RHO: variants seen among roughly 807,000 people sequenced by gnomAD.
RHO encodes rhodopsin.
Under a neutral mutation model 31.2 loss-of-function variants are expected in RHO, and 21 were observed. The ratio of observed to expected loss-of-function variants is 0.67; its 90% CI spans 0.48 to 0.97. The LOEUF (loss-of-function observed/expected upper bound fraction) is 0.97, where lower values mean the gene tolerates loss of function less well. Ranked by LOEUF, RHO falls within the 50% of genes least tolerant of loss-of-function variation. The pLI is 0.00. For synonymous variants in RHO, 211 were observed against 196.6 expected (o/e 1.07, Z -0.61); for missense variants, 414 against 479.5 (o/e 0.86, Z 1.28).
intron 4 of RHO, among the ~76,000 whole-genome samples, chr3:129,533,295 A>G (rs2084798543): frequency 6.6e-6 from 1 of 152,134 alleles, no homozygotes; most frequent in Non-Finnish European, 1.5e-5. Flanking sequence ...TTCCTCATCC[A>G]TAGAAAGGTA....
chr3:129,528,767 C>G lies in RHO; in HGVS notation c.34C>G (p.Pro12Ala). The part of the protein sequence containing the change: ...NGTEGPNFYV[P>A]FSNATGVVRS... ...CACAGAAGGCCCTAACTTCTACGTG[C>G]CCTTCTCCAATGCGACGGGTGTGGT... Residue 12 changes from proline to alanine, a missense_variant, in exon 1 of 5, where the codon CCC becomes GCC. Physicochemically the swap from Pro to Ala is conservative, Grantham distance 27. Transcript: ENST00000296271. The G allele has an allele frequency of 6.2e-7, 1 of 1,614,218 alleles. No individual in the cohort carries two copies. Among genetic ancestry groups the G allele is most frequent in the Non-Finnish European group, 8.5e-7 (1 of 1,180,050 alleles).
intron 1 of RHO, 78 bp downstream of exon 1, chr3:129,529,172 G>A (rs1006944068): frequency 6.5e-6 from 10 of 1,531,010 alleles, no homozygotes; most frequent in Middle Eastern, 1.7e-4. Flanking sequence ...GCTTGGCGGT[G>A]GTGGCTGAGA....
rs2855558 is a variant in RHO at position 129,534,630 on chromosome 3, A to G, written c.*912A>G. 0.37 allele frequency: 56,900 copies of G among 152,558 alleles called. 17,151 individuals carry two copies. Among genetic ancestry groups the G allele is most frequent in the African/African-American group, 0.81 (33,625 of 41,502 alleles). The allele number at this position is 152,558 out of a possible 1,614,324, so 9.5% of individuals were successfully genotyped here. ...GGGGACGGTGAAGGCCAAGTTCCCA[A>G]TGAGGGTGAGATTGGGCCTGGGGTC... On this transcript the variant is annotated 3_prime_UTR_variant, in exon 5 of 5. Coordinates refer to ENST00000296271, the MANE Select transcript of RHO (RefSeq NM_000539.3).
chr3:129,530,106 G>A (rs1160956574), intron 1 of RHO, among the ~76,000 whole-genome samples: 1 of 152,186 alleles, frequency 6.6e-6, no homozygotes, highest in Admixed American at 6.5e-5. Flanking sequence ...GGTGTTTGTT[G>A]CATTCAATAA....
rs766027021 is a variant in RHO at position 129,532,223 on chromosome 3, C to G, written c.531-28C>G. ...TGGCTGTTCCCAAGTCCCTCACAGG[C>G]AGGGTCTCCCTACCTGCCTGTCCTC... On this transcript the variant is annotated intron_variant, in intron 2 of 4. Coordinates refer to ENST00000296271, the MANE Select transcript of RHO (RefSeq NM_000539.3). This position sits in a 1 kb window ranked among gnomAD's most constrained non-coding sequence, Gnocchi z 5.5. 1 of 1,609,630 alleles carries G rather than the reference C, an allele frequency of 6.2e-7. No individual in the cohort carries two copies. Among genetic ancestry groups the G allele is most frequent in the East Asian group, 2.2e-5 (1 of 44,848 alleles).
chr3:129,533,670 C>G lies in RHO; in HGVS notation c.999C>G (p.Ala333=). 1 of 1,614,102 alleles carries G rather than the reference C, an allele frequency of 6.2e-7. No homozygotes were observed. The highest frequency in any genetic ancestry group is 1.1e-5 in the South Asian group (1 of 91,074). The change falls in exon 5 of 5, where the codon GCC becomes GCG. Residue 333 remains alanine, a synonymous_variant. Transcript: ENST00000296271. ...CGKNPLGDDE[A]SATVSKTETS... The stretch of plus-strand genomic sequence containing the variant: ...AGAACCCACTGGGTGACGATGAGGC[C>G]TCTGCTACCGTGTCCAAGACGGAGA...
chr3:129,532,408 G>C lies in RHO; in HGVS notation c.688G>C (p.Val230Leu). Residue 230 changes from valine to leucine, a missense_variant, in exon 3 of 5, where the codon GTC (valine) becomes CTC (leucine). Transcript: ENST00000296271. The surrounding 1 kb of genome is among the most constrained non-coding windows in gnomAD (Gnocchi z 5.5). ...FFCYGQLVFT[V>L]KEAAAQQQES... Reference sequence around the variant, plus strand: ...CTGCTATGGGCAGCTCGTCTTCACCGTCAAGGAGGTACGGGCCGGGGGGTG... The same window carrying C: ...CTGCTATGGGCAGCTCGTCTTCACCCTCAAGGAGGTACGGGCCGGGGGGTG... 1 of 1,613,976 alleles carries C rather than the reference G, an allele frequency of 6.2e-7. No homozygotes were observed. Among genetic ancestry groups the C allele is most frequent in the Non-Finnish European group, 8.5e-7 (1 of 1,180,008 alleles).
intron 1 of RHO, 65 bp from the exon 2 acceptor site, chr3:129,530,806 CTGTCT>C: frequency 6.3e-7 from 1 of 1,598,948 alleles, no homozygotes; most frequent in Non-Finnish European, 8.6e-7. Flanking sequence ...TACCCTCTCC[CTGTCT>C]AGGGGGGAGT....
At position 129,532,178 on chromosome 3, in the gene RHO, C is replaced by T; in HGVS notation, c.531-73C>T. 7.9e-7 allele frequency: 1 copy of T among 1,268,118 alleles called. No individual in the cohort carries two copies. The highest frequency in any genetic ancestry group is 1.2e-5 in the South Asian group (1 of 83,832). 78.6% of individuals were successfully genotyped at this position (1,268,118 alleles called of 1,614,324 possible). A position where few individuals can be genotyped will look rare whatever the true frequency, so the allele number is the denominator to read the frequency against. Reference sequence around the variant, plus strand: ...AGGGAATGTGAAGCCCCAGAAAGGGCCAGCGCTCGGCAGCCACCTTGGCTG... The same window carrying T: ...AGGGAATGTGAAGCCCCAGAAAGGGTCAGCGCTCGGCAGCCACCTTGGCTG... On this transcript the variant is annotated intron_variant, in intron 2 of 4. Coordinates refer to ENST00000296271, the MANE Select transcript of RHO (RefSeq NM_000539.3). The surrounding 1 kb of genome is among the most constrained non-coding windows in gnomAD (Gnocchi z 5.5).
At position 129,529,052 on chromosome 3, in the gene RHO, C is replaced by T. The variant is rs1442262560; in HGVS notation, c.319C>T (p.Pro107Ser). 5.0e-6 allele frequency: 8 copies of T among 1,613,216 alleles called. No homozygotes were observed. Among genetic ancestry groups the T allele is most frequent in the Non-Finnish European group, 6.8e-6 (8 of 1,179,234 alleles). The part of the protein sequence containing the change: ...TSLHGYFVFG[P>S]TGCNLEGFFA... ...TCTGCATGGATACTTCGTCTTCGGG[C>T]CCACAGGATGCAATTTGGAGGGCTT... is the stretch of plus-strand genomic sequence containing the variant. Residue 107 changes from proline to serine, a missense_variant, in exon 1 of 5, where the codon CCC (proline) becomes TCC (serine). By Grantham distance (74) the Pro-to-Ser change is moderately conservative. Coordinates refer to ENST00000296271, the MANE Select transcript of RHO (RefSeq NM_000539.3).
rs755674549 is a variant in RHO, at chr3:129,532,299, G to C, written c.579G>C (p.Thr193=). 4 of 1,613,890 alleles carry C rather than the reference G, an allele frequency of 2.5e-6. No individual in the cohort carries two copies. The African/African-American group carries it at 5.3e-5, about 22-fold the overall frequency. ...LQCSCGIDYY[T]LKPEVNNESF... is the part of the protein sequence containing the mutation. ...GCTCGTGTGGAATCGACTACTACAC[G>C]CTCAAGCCGGAGGTCAACAACGAGT... The change falls in exon 3 of 5, where the codon ACG becomes ACC. Residue 193 remains threonine (T), a synonymous_variant. Transcript: ENST00000296271. This position sits in a 1 kb window ranked among gnomAD's most constrained non-coding sequence, Gnocchi z 5.5.
At chr3:129,530,360 T>C (rs1319315167) in intron 1 of RHO, among the ~76,000 whole-genome samples, 2 of 152,000 alleles carry the variant, frequency 1.3e-5, no homozygotes, top group Non-Finnish European at 2.9e-5. Context: ...GCTTCATGGC[T>C]CCTAGGAGAG....
In RHO at chr3:129,532,461, C is replaced by A; in HGVS notation, c.696+45C>A. 1 of 1,613,754 alleles carries A rather than the reference C, an allele frequency of 6.2e-7. No individual in the cohort carries two copies. The highest frequency in any genetic ancestry group is 8.5e-7 in the Non-Finnish European group (1 of 1,179,954). ...CGGCCTCACGGCTCTGAGGGTCCAGCCCCCAGCATGCATCTGCGGCTCCTG... is the reference window on the plus strand; with the variant it reads ...CGGCCTCACGGCTCTGAGGGTCCAGACCCCAGCATGCATCTGCGGCTCCTG... On this transcript the variant is annotated intron_variant, in intron 3 of 4. Transcript: ENST00000296271. The surrounding 1 kb of genome is among the most constrained non-coding windows in gnomAD (Gnocchi z 5.5).
In RHO at chr3:129,533,739, G is replaced by A. The variant is rs1234400824; in HGVS notation, c.*21G>A. ...CCTAAGACCTGCCTAGGACTCTGTG[G>A]CCGACTATAGGCGTCTCCCATCCCC... On this transcript the variant is annotated 3_prime_UTR_variant, in exon 5 of 5. Transcript: ENST00000296271. 5.2e-6 allele frequency: 8 copies of A among 1,531,732 alleles called. No homozygotes were observed. The highest frequency in any genetic ancestry group is 4.5e-6 in the Non-Finnish European group (5 of 1,105,602). The allele number at this position is 1,531,732 out of a possible 1,614,324, so 94.9% of individuals were successfully genotyped here. A position where few individuals can be genotyped will look rare whatever the true frequency, so the allele number is the denominator to read the frequency against.
At position 129,530,283 on chromosome 3, in the gene RHO, G is replaced by T. The variant is rs936569686; in HGVS notation, c.362-593G>T. Among the ~76,000 whole-genome samples, 10 of 152,210 alleles carry T rather than the reference G, an allele frequency of 6.6e-5. No homozygotes were observed. In the East Asian group the frequency reaches 1.9e-3, roughly 29 times the overall value. ...TCTCCCTATGGAACTTCATGGGGTGGTGAGCAGGACAGATGTCTGAATTCC... is the reference window on the plus strand; with the variant it reads ...TCTCCCTATGGAACTTCATGGGGTGTTGAGCAGGACAGATGTCTGAATTCC... On this transcript the variant is annotated intron_variant, in intron 1 of 4. Coordinates refer to ENST00000296271, the MANE Select transcript of RHO (RefSeq NM_000539.3).
intron 1 of RHO, among the ~76,000 whole-genome samples, chr3:129,529,614 C>T (rs929602050): frequency 2.6e-5 from 4 of 152,214 alleles, no homozygotes; most frequent in Non-Finnish European, 5.9e-5. Context: ...CTTCCCTGTG[C>T]TGGGCAATGG....
In RHO at chr3:129,532,479, G is replaced by A. The variant is rs927312739; in HGVS notation, c.697-54G>A. 38 of 1,613,630 alleles carry A rather than the reference G, an allele frequency of 2.4e-5. No individual in the cohort carries two copies. The highest frequency in any genetic ancestry group is 5.3e-5 in the African/African-American group (4 of 74,894). On this transcript the variant is annotated intron_variant, in intron 3 of 4. Coordinates refer to ENST00000296271, the MANE Select transcript of RHO (RefSeq NM_000539.3). The surrounding 1 kb of genome is among the most constrained non-coding windows in gnomAD (Gnocchi z 5.5). Reference sequence around the variant, plus strand: ...GGTCCAGCCCCCAGCATGCATCTGCGGCTCCTGCTCCCTGGAGGAGCCATG... The same window carrying A: ...GGTCCAGCCCCCAGCATGCATCTGCAGCTCCTGCTCCCTGGAGGAGCCATG...
intron 1 of RHO, 25 bp from the exon 2 acceptor site, chr3:129,530,851 T>C (rs778533886): frequency 1.2e-6 from 2 of 1,614,218 alleles, no homozygotes; most frequent in Non-Finnish European, 1.7e-6. Context: ...GGGTCTGTGC[T>C]GACCGCCTGC....
chr3:129,530,443 A>G (rs996155575), intron 1 of RHO, among the ~76,000 whole-genome samples: 1 of 150,782 alleles, frequency 6.6e-6, no homozygotes, highest in Non-Finnish European at 1.5e-5. Flanking sequence ...CTGGGTTTCC[A>G]CCACCTCTGC....
Sources: gnomAD v4.1 joint callset for allele counts (sites outside exome capture counted in the v4.1 genomes callset) on GRCh38, gnomAD v4.1.1 for gene constraint, Gnocchi (gnomAD v3.1) non-coding constraint, MANE v1.5 for transcripts, NCBI Gene and HGNC (gene_info 2026-07-23, HGNC 2026-07-21) for gene names.